BYSL: variants seen among roughly 807,000 people sequenced by gnomAD.
BYSL encodes bystin.
Under a neutral mutation model 45.4 loss-of-function variants are expected in BYSL, and 21 were observed. The observed-to-expected ratio is 0.46, with a 90% confidence interval of 0.33 to 0.67. The LOEUF (loss-of-function observed/expected upper bound fraction) is 0.67, where lower values mean the gene tolerates loss of function less well. BYSL is among the 30% of genes least tolerant of loss of function. BYSL has a pLI of 0.02. For synonymous variants in BYSL, 215 were observed against 231.3 expected (o/e 0.93, Z 0.64); for missense variants, 522 against 578.5 (o/e 0.90, Z 1.00).
chr6:41,918,445 A>G (rs1309666416), upstream of BYSL, among the ~76,000 whole-genome samples: 1 of 151,412 alleles, frequency 6.6e-6, no homozygotes, highest in African/African-American at 2.4e-5. Context: ...CGGAGGTTGC[A>G]GTGAGCCAAG....
At chr6:41,920,484 CT>C (rs1166842719), upstream of BYSL, among the ~76,000 whole-genome samples, 2 of 152,308 alleles carry the variant, frequency 1.3e-5, no homozygotes, top group Admixed American at 1.3e-4. Context: ...GCAGGCAGTA[CT>C]ATGGCCTCAC....
intron 1 of BYSL, among the ~76,000 whole-genome samples, chr6:41,922,173 G>A (rs985968196): frequency 3.9e-5 from 6 of 152,174 alleles, no homozygotes; most frequent in African/African-American, 1.4e-4. Context: ...AAACAACACA[G>A]GCACGTCTAA....
At chr6:41,917,173 G>A (rs189333444), upstream of BYSL, among the ~76,000 whole-genome samples, 46 of 152,226 alleles carry the variant, frequency 3.0e-4, no homozygotes, top group African/African-American at 9.6e-4. Context: ...AGGTCAAGGC[G>A]GGTGGATCAC....
intron 1 of BYSL, 82 bp from the exon 2 acceptor site, chr6:41,927,292 C>A: frequency 6.5e-7 from 1 of 1,533,520 alleles, no homozygotes; most frequent in Non-Finnish European, 8.9e-7. Context: ...GAGGCCTGTA[C>A]TACATAATGG....
At chr6:41,921,202 G>T, upstream of BYSL, 1 of 755,598 alleles carries the variant, frequency 1.3e-6, no homozygotes, top group Non-Finnish European at 2.1e-6. Context: ...GGCACCCCTC[G>T]GTGACGCCTC....
chr6:41,927,918 A>G (rs767072638), intron 2 of BYSL, among the ~76,000 whole-genome samples: 3 of 151,888 alleles, frequency 2.0e-5, no homozygotes, highest in Non-Finnish European at 4.4e-5. Context: ...AGGTTTTTCA[A>G]CCTCAGCATT....
At chr6:41,918,561 C>G (rs956778083), upstream of BYSL, among the ~76,000 whole-genome samples, 2 of 151,890 alleles carry the variant, frequency 1.3e-5, no homozygotes, top group African/African-American at 4.8e-5. Context: ...CGCCTGTAAT[C>G]CCAGCACTTT....
At chr6:41,929,041 A>C (rs1418818438) in intron 2 of BYSL, among the ~76,000 whole-genome samples, 1 of 152,130 alleles carries the variant, frequency 6.6e-6, no homozygotes, top group Non-Finnish European at 1.5e-5. Context: ...AGCTGGGATT[A>C]CAGGCACGTA....
At chr6:41,912,072 A>G in the BYSL span, among the ~76,000 whole-genome samples, 1 of 150,298 alleles carries the variant, frequency 6.7e-6, no homozygotes, top group East Asian at 1.9e-4. Context: ...TTTTTGAGAC[A>G]CGGTGTTGCT....
At chr6:41,926,074 C>T (rs1386536280) in intron 1 of BYSL, among the ~76,000 whole-genome samples, 1 of 152,230 alleles carries the variant, frequency 6.6e-6, no homozygotes, top group Non-Finnish European at 1.5e-5. Flanking sequence ...ACCTTTCCCA[C>T]GTACCTAGCA....
rs146819393 is a variant in BYSL at position 41,930,239 on chromosome 6, G to A, written c.539G>A (p.Arg180Gln). The A allele has an allele frequency of 1.7e-4, 270 of 1,614,164 alleles. 1 individual carries two copies. In the African/African-American group the frequency reaches 2.9e-3, roughly 18 times the overall value. Residue 180 changes from arginine (R) to glutamine (Q), a missense_variant, in exon 3 of 7, where the codon CGG (arginine) becomes CAG (glutamine). Physicochemically the swap from Arg to Gln is conservative, Grantham distance 43 (BLOSUM62 1). Coordinates refer to ENST00000230340, the MANE Select transcript of BYSL (RefSeq NM_004053.4). ...SGFPMPQLDP[R>Q]VLEVYRGVRE... Reference sequence around the variant, plus strand: ...TTCCCTATGCCCCAGCTGGACCCCCGGGTCCTAGAAGTGTACAGGGGGGTC... The same window carrying A: ...TTCCCTATGCCCCAGCTGGACCCCCAGGTCCTAGAAGTGTACAGGGGGGTC...
chr6:41,921,282 C>T (rs913688243), upstream of BYSL: 1 of 616,510 alleles, frequency 1.6e-6, no homozygotes, highest in Non-Finnish European at 2.8e-6. Context: ...GCTGAGCACT[C>T]TAGGCCTACA....
At chr6:41,929,156 C>T (rs1775602213) in intron 2 of BYSL, among the ~76,000 whole-genome samples, 1 of 152,200 alleles carries the variant, frequency 6.6e-6, no homozygotes, top group African/African-American at 2.4e-5. Context: ...CCTCCCTCAG[C>T]CTCCCAAAGT....
intron 2 of BYSL, among the ~76,000 whole-genome samples, chr6:41,927,815 C>T (rs1461920890): frequency 6.6e-6 from 1 of 152,164 alleles, no homozygotes; most frequent in African/African-American, 2.4e-5. Flanking sequence ...GGAGAGCCAT[C>T]CTATTGCATT....
upstream of BYSL, chr6:41,921,062 A>T (rs1445972832): frequency 1.2e-5 from 20 of 1,607,058 alleles, no homozygotes; most frequent in Non-Finnish European, 1.7e-5. Context: ...GTAGAAACGC[A>T]GGGTTCCCTG....
chr6:41,930,355 A>C (rs185774115), intron 3 of BYSL, 85 bp downstream of exon 3: 14 of 1,521,128 alleles, frequency 9.2e-6, no homozygotes, highest in Non-Finnish European at 1.2e-5. Context: ...TTTTGCCTGC[A>C]TCACATACTA....
chr6:41,931,659 G>C, intron 5 of BYSL, 69 bp from the exon 6 acceptor site: 1 of 1,606,610 alleles, frequency 6.2e-7, no homozygotes, highest in Non-Finnish European at 8.5e-7. Context: ...GGCTGGGTGG[G>C]AATGCTTCCT....
chr6:41,925,269 G>A (rs1775546906), intron 1 of BYSL, among the ~76,000 whole-genome samples: 1 of 152,060 alleles, frequency 6.6e-6, no homozygotes, highest in South Asian at 2.1e-4. Context: ...TTGATACGTA[G>A]CATTATAGCT....
rs929704245 is a variant in BYSL at position 41,925,960 on chromosome 6, A to G, written c.269-1414A>G. On this transcript the variant is annotated intron_variant, in intron 1 of 6. Transcript: ENST00000230340. ...TGGTCTCCCAAAATGGTGGGATTAC[A>G]GGCGTGAGCCACCACGCCCAGCCAA... Among the ~76,000 whole-genome samples, 5 of 152,352 alleles carry G rather than the reference A, an allele frequency of 3.3e-5. No homozygotes were observed. In the East Asian group the frequency reaches 5.8e-4, roughly 18 times the overall value.
Sources: allele counts gnomAD v4.1 joint callset (sites outside exome capture counted in the v4.1 genomes callset), GRCh38; gene constraint gnomAD v4.1.1; transcripts MANE v1.5; gene names NCBI Gene and HGNC (gene_info 2026-07-23, HGNC 2026-07-21).